The following ANKRD16 variants were observed in gnomAD, a reference collection of about 807,000 sequenced individuals.
The protein encoded by ANKRD16 is ankyrin repeat domain 16.
A neutral mutation model predicts 37.9 loss-of-function variants in ANKRD16; 35 were observed. The observed-to-expected ratio is 0.92, with a 90% CI of 0.71 to 1.23. ANKRD16 has a LOEUF of 1.23. Among genes scored for constraint, ANKRD16 ranks in the 50% most tolerant of loss-of-function variants. ANKRD16 has a pLI of 0.00. For synonymous variants in ANKRD16, 206 were observed against 197.2 expected (o/e 1.04, Z -0.37); for missense variants, 480 against 469.9 (o/e 1.02, Z -0.20).
At position 5,866,046 on chromosome 10, in the gene ANKRD16, T is replaced by C. The variant is rs942666473; in HGVS notation, c.*34-3355A>G. 1.3e-5 allele frequency among the ~76,000 whole-genome samples: 2 copies of C among 152,154 alleles called. No individual in the cohort carries two copies. The highest frequency in any genetic ancestry group is 2.9e-5 in the Non-Finnish European group (2 of 68,028). On this transcript the variant is annotated intron_variant, in intron 7 of 7. Coordinates refer to ENST00000380094, the MANE Select transcript of ANKRD16 (RefSeq NM_019046.3). This position sits in a 1 kb window ranked among gnomAD's most constrained non-coding sequence, Gnocchi z 4.3. Reference sequence around the variant, plus strand: ...CGGTGGCCGTCTCAGTGTTAGAGGCTATCAAAATAATACAAGGAAAGGATC... The same window carrying C: ...CGGTGGCCGTCTCAGTGTTAGAGGCCATCAAAATAATACAAGGAAAGGATC...
In ANKRD16 at chr10:5,874,142, G is replaced by A. The variant is rs1314496021; in HGVS notation, c.*33+3955C>T. 2.0e-5 allele frequency among the ~76,000 whole-genome samples: 3 copies of A among 152,234 alleles called. No homozygotes were observed. Among genetic ancestry groups the A allele is most frequent in the African/African-American group, 7.2e-5 (3 of 41,466 alleles). On this transcript the variant is annotated intron_variant, in intron 7 of 7. Transcript: ENST00000380094. The surrounding 1 kb of genome is among the most constrained non-coding windows in gnomAD (Gnocchi z 4.7). ...CTGACCTTGTGATCTGCCTGCCTCA[G>A]CCTCCCATAATACTGGGACTACAGG...
At chr10:5,879,100 G>A (rs901567138) in intron 6 of ANKRD16, among the ~76,000 whole-genome samples, 1 of 152,198 alleles carries the variant, frequency 6.6e-6, no homozygotes, top group African/African-American at 2.4e-5. Context: ...GAGAAGCTGT[G>A]TCCCTTCCTG....
rs1208336853 is a variant in ANKRD16 at position 5,870,158 on chromosome 10, A to T, written c.*34-7467T>A. 6.6e-6 allele frequency among the ~76,000 whole-genome samples: 1 copy of T among 152,016 alleles called. No homozygotes were observed. The highest frequency in any genetic ancestry group is 2.1e-4 in the South Asian group (1 of 4,824). On this transcript the variant is annotated intron_variant, in intron 7 of 7. Transcript: ENST00000380094. The surrounding 1 kb of genome is among the most constrained non-coding windows in gnomAD (Gnocchi z 5.0). Reference sequence around the variant, plus strand: ...ATTAAAAAAACCAAAACATCGATCCACATCCCTCTCCACTGCTTCATTTGC... The same window carrying T: ...ATTAAAAAAACCAAAACATCGATCCTCATCCCTCTCCACTGCTTCATTTGC...
rs1589010148 is a variant in ANKRD16 at position 5,862,477 on chromosome 10, T to C, written c.*248A>G. 6.6e-6 allele frequency: 4 copies of C among 602,020 alleles called. No individual in the cohort carries two copies. Among genetic ancestry groups the C allele is most frequent in the Non-Finnish European group, 7.9e-6 (3 of 379,306 alleles). 37.3% of individuals were successfully genotyped at this position (602,020 alleles called of 1,614,324 possible). ...TGGTTGGTGATGTCATCAGCAACCA[T>C]TTTTGGAGACAGACCCAGGGAGCTG... On this transcript the variant is annotated 3_prime_UTR_variant, in exon 8 of 8. Transcript: ENST00000380094. The surrounding 1 kb of genome is among the most constrained non-coding windows in gnomAD (Gnocchi z 6.5).
In ANKRD16 at chr10:5,874,336, G is replaced by C. The variant is rs1247255019; in HGVS notation, c.*33+3761C>G. On this transcript the variant is annotated intron_variant, in intron 7 of 7. Coordinates refer to ENST00000380094, the MANE Select transcript of ANKRD16 (RefSeq NM_019046.3). The surrounding 1 kb of genome is among the most constrained non-coding windows in gnomAD (Gnocchi z 4.7). The stretch of plus-strand genomic sequence containing the variant: ...AGTGTAGTACGTGCTCTGGGAGGCA[G>C]GTTAAGCCACAATTGGCAATCAATG... Among the ~76,000 whole-genome samples, 1 of 152,250 alleles carries C rather than the reference G, an allele frequency of 6.6e-6. No individual in the cohort carries two copies. Among genetic ancestry groups the C allele is most frequent in the Non-Finnish European group, 1.5e-5 (1 of 68,044 alleles).
intron 3 of ANKRD16, among the ~76,000 whole-genome samples, 180 bp downstream of exon 3, chr10:5,885,543 T>C (rs992516165): frequency 6.6e-6 from 1 of 152,226 alleles, no homozygotes; most frequent in Non-Finnish European, 1.5e-5. Flanking sequence ...CTGAAAACAT[T>C]TTCCCCAGAT....
At chr10:5,881,443 T>TATAC (rs1842309842) in intron 5 of ANKRD16, among the ~76,000 whole-genome samples, 1 of 6,492 alleles carries the variant, frequency 1.5e-4, no homozygotes, top group African/African-American at 3.5e-4. Context: ...ATTATTTATA[T>TATAC]ATATATATAT....
At chr10:5,877,179 C>G (rs547926007) in intron 7 of ANKRD16, among the ~76,000 whole-genome samples, 2 of 152,222 alleles carry the variant, frequency 1.3e-5, no homozygotes, top group East Asian at 3.9e-4. Flanking sequence ...GTGGCGCTAT[C>G]TCAGCTCACT....
In ANKRD16 at chr10:5,869,614, C is replaced by T. The variant is rs944238775; in HGVS notation, c.*34-6923G>A. Reference sequence around the variant, plus strand: ...TGTTTCCCAGCACCAAGGGCCCCAGCTCCTGCTCAGCACCCTTCTGCTCAG... The same window carrying T: ...TGTTTCCCAGCACCAAGGGCCCCAGTTCCTGCTCAGCACCCTTCTGCTCAG... On this transcript the variant is annotated intron_variant, in intron 7 of 7. Coordinates refer to ENST00000380094, the MANE Select transcript of ANKRD16 (RefSeq NM_019046.3). This position sits in a 1 kb window ranked among gnomAD's most constrained non-coding sequence, Gnocchi z 4.0. 2.6e-5 allele frequency among the ~76,000 whole-genome samples: 4 copies of T among 152,118 alleles called. No individual in the cohort carries two copies. Among genetic ancestry groups the T allele is most frequent in the Admixed American group, 2.6e-4 (4 of 15,268 alleles).
intron 5 of ANKRD16, 129 bp from the exon 6 acceptor site, chr10:5,880,505 G>A: frequency 4.5e-6 from 2 of 446,264 alleles, no homozygotes; most frequent in Non-Finnish European, 7.9e-6. Context: ...ACATACCTGA[G>A]AGACAGGTCT....
chr10:5,883,199 T>A, intron 4 of ANKRD16, 32 bp from the exon 5 acceptor site: 1 of 1,602,704 alleles, frequency 6.2e-7, no homozygotes, highest in Non-Finnish European at 8.5e-7. Flanking sequence ...GGAGCAAAGG[T>A]CAAAGATAAG....
In ANKRD16 at chr10:5,865,760, G is replaced by A. The variant is rs1342594798; in HGVS notation, c.*34-3069C>T. On this transcript the variant is annotated intron_variant, in intron 7 of 7. Coordinates refer to ENST00000380094, the MANE Select transcript of ANKRD16 (RefSeq NM_019046.3). The surrounding 1 kb of genome is among the most constrained non-coding windows in gnomAD (Gnocchi z 4.7). ...GAGCTATTATCTACATGAATATGGG[G>A]AACGAGTTACTGATTTGTTGTCCCC... Among the ~76,000 whole-genome samples the A allele has an allele frequency of 6.6e-6, 1 of 152,224 alleles. No homozygotes were observed. Among genetic ancestry groups the A allele is most frequent in the Non-Finnish European group, 1.5e-5 (1 of 68,036 alleles).
chr10:5,868,661 C>T lies in ANKRD16; in HGVS notation c.*34-5970G>A, dbSNP rs1667244462. 6.6e-6 allele frequency among the ~76,000 whole-genome samples: 1 copy of T among 152,176 alleles called. No homozygotes were observed. Among genetic ancestry groups the T allele is most frequent in the Non-Finnish European group, 1.5e-5 (1 of 68,036 alleles). On this transcript the variant is annotated intron_variant, in intron 7 of 7. Coordinates refer to ENST00000380094, the MANE Select transcript of ANKRD16 (RefSeq NM_019046.3). The surrounding 1 kb of genome is among the most constrained non-coding windows in gnomAD (Gnocchi z 4.9). The stretch of plus-strand genomic sequence containing the variant: ...GCCAGCAGCGGCAACCCACTCGGGT[C>T]CCCTTCCACGCTGTGGAAGCTTTGT...
chr10:5,873,837 G>A (rs993819848), intron 7 of ANKRD16, among the ~76,000 whole-genome samples: 1 of 150,956 alleles, frequency 6.6e-6, no homozygotes, highest in African/African-American at 2.4e-5. Flanking sequence ...TATATGTTAG[G>A]TCCTCGCTAT....
chr10:5,866,315 C>T lies in ANKRD16; in HGVS notation c.*34-3624G>A, dbSNP rs1308461518. Among the ~76,000 whole-genome samples, 1 of 152,164 alleles carries T rather than the reference C, an allele frequency of 6.6e-6. No individual in the cohort carries two copies. The highest frequency in any genetic ancestry group is 1.5e-5 in the Non-Finnish European group (1 of 68,034). Reference sequence around the variant, plus strand: ...CCCGAGATGAATTCTTAGAAGTCCCCTTAGTTAATCCTGACCTTAATCTAT... The same window carrying T: ...CCCGAGATGAATTCTTAGAAGTCCCTTTAGTTAATCCTGACCTTAATCTAT... On this transcript the variant is annotated intron_variant, in intron 7 of 7. Transcript: ENST00000380094. This position sits in a 1 kb window ranked among gnomAD's most constrained non-coding sequence, Gnocchi z 4.3.
intron 7 of ANKRD16, among the ~76,000 whole-genome samples, chr10:5,877,119 CTTTTTTTTT>C (rs78090804): frequency 6.6e-6 from 1 of 151,018 alleles, no homozygotes; most frequent in African/African-American, 2.4e-5. Flanking sequence ...TTCTTTTTTT[CTTTTTTTTT>C]TTGAGACGGA....
rs200367697 is a variant in ANKRD16 at position 5,866,782 on chromosome 10, CAGAG to C, written c.*34-4095_*34-4092del. On this transcript the variant is annotated intron_variant, in intron 7 of 7. Coordinates refer to ENST00000380094, the MANE Select transcript of ANKRD16 (RefSeq NM_019046.3). This position sits in a 1 kb window ranked among gnomAD's most constrained non-coding sequence, Gnocchi z 4.3. The stretch of plus-strand genomic sequence containing the variant: ...GAAAGGAAGGAGAGAAAGAGACAGA[CAGAG>C]AGAAAGAGAGGAAGAGACAGAGACA... 1.0e-2 allele frequency among the ~76,000 whole-genome samples: 1,512 copies of C among 151,488 alleles called. 11 individuals are homozygous for C. Among genetic ancestry groups the C allele is most frequent in the Middle Eastern group, 0.031 (9 of 294 alleles).
chr10:5,872,759 T>C lies in ANKRD16; in HGVS notation c.*33+5338A>G, dbSNP rs187273684. On this transcript the variant is annotated intron_variant, in intron 7 of 7. Transcript: ENST00000380094. ...TTTTAGTAGAGACGGGATTTCACCG[T>C]GTTAGCCAAGATGGTCTTAATTTCC... is the stretch of plus-strand genomic sequence containing the variant. Among the ~76,000 whole-genome samples, 24 of 151,998 alleles carry C rather than the reference T, an allele frequency of 1.6e-4. No individual in the cohort carries two copies. The East Asian group carries it at 3.3e-3, about 21-fold the overall frequency.
rs1296103252 is a variant in ANKRD16, at chr10:5,866,761, GGAAGGAGAGAAAGAGACA to G, written c.*34-4088_*34-4071del. Among the ~76,000 whole-genome samples, 1 of 152,040 alleles carries G rather than the reference GGAAGGAGAGAAAGAGACA, an allele frequency of 6.6e-6. No individual in the cohort carries two copies. The highest frequency in any genetic ancestry group is 2.4e-5 in the African/African-American group (1 of 41,372). Reference sequence around the variant, plus strand: ...AGAGGCAGGGAAAGACCAGCAGAAAGGAAGGAGAGAAAGAGACAGACAGAGAGAAAGAGAGGAAGAGAC... The same window carrying G: ...AGAGGCAGGGAAAGACCAGCAGAAAGGACAGAGAGAAAGAGAGGAAGAGAC... On this transcript the variant is annotated intron_variant, in intron 7 of 7. Transcript: ENST00000380094. The surrounding 1 kb of genome is among the most constrained non-coding windows in gnomAD (Gnocchi z 4.3).
Sources: gnomAD v4.1 joint callset for allele counts (sites outside exome capture counted in the v4.1 genomes callset) on GRCh38, gnomAD v4.1.1 for gene constraint, Gnocchi (gnomAD v3.1) non-coding constraint, MANE v1.5 for transcripts, NCBI Gene and HGNC (gene_info 2026-07-23, HGNC 2026-07-21) for gene names.